CHN2: variants seen among roughly 807,000 people sequenced by gnomAD.
The protein encoded by CHN2 is chimerin 2.
Under a neutral mutation model 56.3 loss-of-function variants are expected in CHN2, and 35 were observed. The observed-to-expected ratio is 0.62, with a 90% CI of 0.47 to 0.82. The LOEUF (loss-of-function observed/expected upper bound fraction) is 0.82. CHN2 is among the 40% of genes least tolerant of loss of function. The pLI is 0.00. For missense variants in CHN2, 491 were observed against 580.5 expected, an observed-to-expected ratio of 0.85 and a Z score of 1.58; for synonymous variants, 210 against 212.8, an observed-to-expected ratio of 0.99 and a Z score of 0.12.
At chr7:29,461,979 C>T (rs1032485553) in intron 6 of CHN2, among the ~76,000 whole-genome samples, 11 of 152,160 alleles carry the variant, frequency 7.2e-5, no homozygotes, top group Non-Finnish European at 1.5e-4. Context: ...GTCATATACA[C>T]TGAAACATTT....
chr7:29,438,789 G>C (rs973174944), intron 6 of CHN2, among the ~76,000 whole-genome samples: 16 of 152,254 alleles, frequency 1.1e-4, no homozygotes, highest in Middle Eastern at 3.4e-3. Flanking sequence ...GGAACATTCT[G>C]TTTTAGATAG....
chr7:29,264,440 T>A (rs984589987), intron 1 of CHN2, among the ~76,000 whole-genome samples: 5 of 152,220 alleles, frequency 3.3e-5, no homozygotes, highest in African/African-American at 1.2e-4. Flanking sequence ...GAAGTAGACC[T>A]GGGAGACTCC....
intron 1 of CHN2, among the ~76,000 whole-genome samples, chr7:29,214,616 T>C (rs932378173): frequency 1.3e-5 from 2 of 152,220 alleles, no homozygotes; most frequent in Admixed American, 6.5e-5. Flanking sequence ...CAGAAACTAA[T>C]TGATAGGGGC....
rs200288075 is a variant in CHN2, at chr7:29,312,242, C to G, written c.50-42383C>G. Among the ~76,000 whole-genome samples the G allele has an allele frequency of 1.3e-4, 19 of 148,490 alleles. No homozygotes were observed. In the Middle Eastern group the frequency reaches 0.01, roughly 80 times the overall value. On this transcript the variant is annotated intron_variant, in intron 1 of 12. Coordinates refer to ENST00000222792, the MANE Select transcript of CHN2 (RefSeq NM_004067.4). ...CTTGCTTATCTTTTCCACTTTTTTT[C>G]TGCTTTGCTCCACCTGTTCTCTTGA...
intron 1 of CHN2, among the ~76,000 whole-genome samples, chr7:29,301,509 A>G (rs2128877969): frequency 6.6e-6 from 1 of 152,202 alleles, no homozygotes; most frequent in Admixed American, 6.5e-5. Context: ...ATCCAAGCCC[A>G]CTCAGGATGC....
At position 29,453,254 on chromosome 7, in the gene CHN2, G is replaced by T. The variant is rs757316549; in HGVS notation, c.577-27025G>T. On this transcript the variant is annotated intron_variant, in intron 6 of 12. Transcript: ENST00000222792. ...CTGCTGAGGCCGCTGCACTCTGCTG[G>T]TTGGATTTGTGGTCCAGGGAGGAAC... is the stretch of plus-strand genomic sequence containing the variant. 1.6e-4 allele frequency among the ~76,000 whole-genome samples: 25 copies of T among 152,196 alleles called. 1 individual carries two copies. The highest frequency in any genetic ancestry group is 1.2e-3 in the South Asian group (6 of 4,830).
chr7:29,268,787 TC>T (rs148785961), intron 1 of CHN2, among the ~76,000 whole-genome samples: 2,889 of 152,296 alleles, frequency 0.019, 30 homozygotes, highest in Middle Eastern at 0.031. Context: ...GGTGCACTGT[TC>T]CAGGAAAGGA....
intron 7 of CHN2, among the ~76,000 whole-genome samples, chr7:29,492,472 C>T (rs1788770520): frequency 6.6e-6 from 1 of 152,118 alleles, no homozygotes; most frequent in African/African-American, 2.4e-5. Context: ...ATTGCTTCCA[C>T]AGATACCCTA....
At chr7:29,153,387 G>A (rs897241629) in intron 2 of CHN2, among the ~76,000 whole-genome samples, 4 of 152,104 alleles carry the variant, frequency 2.6e-5, no homozygotes, top group Non-Finnish European at 5.9e-5. Flanking sequence ...GACACTGAGT[G>A]TGTCCACCTT....
chr7:29,482,797 C>CTTTTTTTTTTTTTTTTTTTTTT lies in CHN2; in HGVS notation c.654+2462_654+2483dup, dbSNP rs375120538. On this transcript the variant is annotated intron_variant, in intron 7 of 12. Transcript: ENST00000222792. ...TGCTAGGTGCTGTCTGCACTTTTTT[C>CTTTTTTTTTTTTTTTTTTTTTT]TTTTTTTTTTTTTTTTTTTTTTTTT... is the stretch of plus-strand genomic sequence containing the variant. Among the ~76,000 whole-genome samples the CTTTTTTTTTTTTTTTTTTTTTT allele has an allele frequency of 7.8e-5, 5 of 64,206 alleles. 1 individual carries two copies. Among genetic ancestry groups the CTTTTTTTTTTTTTTTTTTTTTT allele is most frequent in the Non-Finnish European group, 1.5e-4 (5 of 34,260 alleles). 42.1% of individuals were successfully genotyped at this position (64,206 alleles called of 152,430 possible).
chr7:29,432,795 C>T (rs1033310043), intron 6 of CHN2, among the ~76,000 whole-genome samples: 1 of 152,088 alleles, frequency 6.6e-6, no homozygotes, highest in East Asian at 1.9e-4. Context: ...TTTTGTTCAT[C>T]GTTAGGGTAT....
At chr7:29,405,523 C>A (rs542067523) in intron 6 of CHN2, among the ~76,000 whole-genome samples, 1 of 152,152 alleles carries the variant, frequency 6.6e-6, no homozygotes, top group Non-Finnish European at 1.5e-5. Context: ...CTCCCATTAA[C>A]CACCCCACCA....
At chr7:29,387,970 G>A (rs1024485863) in intron 3 of CHN2, among the ~76,000 whole-genome samples, 3 of 152,130 alleles carry the variant, frequency 2.0e-5, no homozygotes, top group African/African-American at 7.2e-5. Context: ...TAAACAATTA[G>A]GTAATTGTTT....
At position 29,359,339 on chromosome 7, in the gene CHN2, A is replaced by G. The variant is rs746312453; in HGVS notation, c.88+4676A>G. ...GCTAAGAAATTTAGAAGGGTAAGAA[A>G]TCAGCTCTCTCAATATTTTATATAA... is the stretch of plus-strand genomic sequence containing the variant. On this transcript the variant is annotated intron_variant, in intron 2 of 12. Transcript: ENST00000222792. Among the ~76,000 whole-genome samples, 7 of 152,218 alleles carry G rather than the reference A, an allele frequency of 4.6e-5. No individual in the cohort carries two copies. In the East Asian group the frequency reaches 5.8e-4, roughly 13 times the overall value.
At chr7:29,269,690 C>G (rs752391763) in intron 1 of CHN2, among the ~76,000 whole-genome samples, 6 of 152,164 alleles carry the variant, frequency 3.9e-5, no homozygotes, top group Non-Finnish European at 8.8e-5. Flanking sequence ...GGAACTTTAG[C>G]ATTTTAATCT....
At chr7:29,187,547 A>T (rs900395601) in intron 2 of CHN2, among the ~76,000 whole-genome samples, 2 of 152,094 alleles carry the variant, frequency 1.3e-5, no homozygotes, top group Admixed American at 6.5e-5. Flanking sequence ...AACATGGAGA[A>T]ACCCCGTCTC....
At chr7:29,272,865 G>C (rs1790779020) in intron 1 of CHN2, among the ~76,000 whole-genome samples, 1 of 152,082 alleles carries the variant, frequency 6.6e-6, no homozygotes, top group South Asian at 2.1e-4. Flanking sequence ...CAGTAAAATG[G>C]TTACAATAGT....
rs566150225 is a variant in CHN2 at position 29,246,305 on chromosome 7, G to A, written c.49+51315G>A. 3.3e-5 allele frequency among the ~76,000 whole-genome samples: 5 copies of A among 152,288 alleles called. No individual in the cohort carries two copies. The East Asian group carries it at 9.7e-4, about 29-fold the overall frequency. On this transcript the variant is annotated intron_variant, in intron 1 of 12. Transcript: ENST00000222792. ...TTTCCTGGTCCTGCTCCACGTGGCT[G>A]GGAGGGTTGGGGGTAGGTGGGCACT...
intron 6 of CHN2, among the ~76,000 whole-genome samples, chr7:29,406,309 T>C (rs1392159503): frequency 1.3e-5 from 2 of 152,148 alleles, no homozygotes; most frequent in Non-Finnish European, 2.9e-5. Context: ...ATGCACGTTG[T>C]GGAGCTGATC....
Sources: allele counts gnomAD v4.1 joint callset (sites outside exome capture counted in the v4.1 genomes callset), GRCh38; gene constraint gnomAD v4.1.1; transcripts MANE v1.5; gene names NCBI Gene and HGNC (gene_info 2026-07-23, HGNC 2026-07-21).